NAP1L1: variants seen among roughly 807,000 people sequenced by gnomAD.
NAP1L1 encodes nucleosome assembly protein 1 like 1.
NAP1L1 carries 9 observed loss-of-function variants against 58.9 expected under a neutral mutation model. That is an observed-to-expected ratio of 0.15 (90% CI 0.09 to 0.27). The LOEUF is 0.27. NAP1L1 is among the 10% of genes least tolerant of loss of function. NAP1L1 has a pLI of 1.00. For synonymous variants in NAP1L1, 130 were observed against 138.3 expected (o/e 0.94, Z 0.42); for missense variants, 302 against 458.8 (o/e 0.66, Z 3.12).
chr12:76,060,400 G>A, intron 4 of NAP1L1, 121 bp from the exon 5 acceptor site: 1 of 935,822 alleles, frequency 1.1e-6, no homozygotes, highest in Non-Finnish European at 1.6e-6. Flanking sequence ...GAAGCAAAAG[G>A]TAGATTCAAA....
At chr12:76,083,665 A>T (rs1190072537) in intron 1 of NAP1L1, among the ~76,000 whole-genome samples, 1 of 152,136 alleles carries the variant, frequency 6.6e-6, no homozygotes, top group African/African-American at 2.4e-5. Context: ...TTTTGCTAAT[A>T]ACAGTTAATA....
chr12:76,054,415 G>C (rs1241012188), intron 8 of NAP1L1, among the ~76,000 whole-genome samples: 1 of 152,020 alleles, frequency 6.6e-6, no homozygotes, highest in East Asian at 1.9e-4. Flanking sequence ...TAATAATGAG[G>C]TACAAATTGA....
chr12:76,046,434 A>C lies in NAP1L1; in HGVS notation c.*1995T>G, dbSNP rs1332833106. On this transcript the variant is annotated 3_prime_UTR_variant, in exon 15 of 15. Transcript: ENST00000618691. ...GATTTTGCTACTTCAGTTCATTAAAAATGGGATTCTATCTTTGAAGTTCAG... is the reference window on the plus strand; with the variant it reads ...GATTTTGCTACTTCAGTTCATTAAACATGGGATTCTATCTTTGAAGTTCAG... 2 of 152,450 alleles carry C rather than the reference A, an allele frequency of 1.3e-5. No homozygotes were observed. Among genetic ancestry groups the C allele is most frequent in the African/African-American group, 4.8e-5 (2 of 41,436 alleles). 9.4% of individuals were successfully genotyped at this position (152,450 alleles called of 1,614,324 possible). A position where few individuals can be genotyped will look rare whatever the true frequency, so the allele number is the denominator to read the frequency against.
intron 12 of NAP1L1, 21 bp from the exon 13 acceptor site, chr12:76,049,806 TAA>T: frequency 6.2e-7 from 1 of 1,612,210 alleles, no homozygotes; most frequent in Non-Finnish European, 8.5e-7. Flanking sequence ...AAAACAGCGT[TAA>T]GTGTTGAGTG....
intron 2 of NAP1L1, among the ~76,000 whole-genome samples, chr12:76,071,036 G>C (rs1949930371): frequency 6.6e-6 from 1 of 152,044 alleles, no homozygotes; most frequent in South Asian, 2.1e-4. Context: ...TAGTTGTTAT[G>C]TTCTATTGCT....
chr12:76,049,210 T>C lies in NAP1L1; in HGVS notation c.1130A>G (p.Tyr377Cys), dbSNP rs149910881. The C allele has an allele frequency of 5.3e-5, 85 of 1,613,486 alleles. No homozygotes were observed. Among genetic ancestry groups the C allele is most frequent in the African/African-American group, 2.1e-4 (16 of 74,904 alleles). The change falls in exon 14 of 15, where the codon TAT becomes TGT. Residue 377 changes from tyrosine to cysteine, a missense_variant. Transcript: ENST00000618691. Reference sequence around the variant, plus strand: ...ACTAATTTTGCTCACCTTTGGGTCATAGTCTGGATCATTTTCCTCATCTCC... The same window carrying C: ...ACTAATTTTGCTCACCTTTGGGTCACAGTCTGGATCATTTTCCTCATCTCC... ...EEGDEENDPD[Y>C]DPKKDQNPAE...
At chr12:76,057,680 C>T (rs1248846893) in intron 6 of NAP1L1, 15 of 1,484,092 alleles carry the variant, frequency 1.0e-5, no homozygotes, top group South Asian at 8.4e-5. Context: ...GAATATATGC[C>T]TGATGTTGCT....
At chr12:76,061,117 G>C (rs1315717414) in intron 4 of NAP1L1, 1 of 384,774 alleles carries the variant, frequency 2.6e-6, no homozygotes, top group African/African-American at 2.1e-5. Flanking sequence ...CAGCTTTGAT[G>C]AGATAAAGTT....
chr12:76,059,726 A>T, intron 6 of NAP1L1, 72 bp downstream of exon 6: 1 of 1,085,932 alleles, frequency 9.2e-7, no homozygotes, highest in Non-Finnish European at 1.4e-6. Flanking sequence ...TCCATCATTA[A>T]ATGCTAACAT....
chr12:76,079,659 T>C (rs1392269587), intron 1 of NAP1L1, among the ~76,000 whole-genome samples: 2 of 151,160 alleles, frequency 1.3e-5, no homozygotes, highest in Non-Finnish European at 2.9e-5. Flanking sequence ...AAGACATAAC[T>C]GACCCTAAAA....
intron 1 of NAP1L1, among the ~76,000 whole-genome samples, chr12:76,077,971 AC>A (rs1412008940): frequency 9.5e-6 from 1 of 105,250 alleles, no homozygotes; most frequent in Admixed American, 1.2e-4. Context: ...TAAGAGCAAG[AC>A]CCTGTCTCAA....
Position 76,036,768 on chromosome 12 carries a change from A to C in NAP1L1, c.*11661T>G, listed in dbSNP as rs1871048452. On this transcript the variant is annotated 3_prime_UTR_variant, in exon 15 of 15. Coordinates refer to ENST00000618691, the MANE Select transcript of NAP1L1 (RefSeq NM_004537.7). Reference sequence around the variant, plus strand: ...ATTATGAACATGTCACGTTACCCTCATCAGGGTATAAAAGATAACCAAGGC... The same window carrying C: ...ATTATGAACATGTCACGTTACCCTCCTCAGGGTATAAAAGATAACCAAGGC... 1 of 152,196 alleles carries C rather than the reference A, an allele frequency of 6.6e-6. No homozygotes were observed. Among genetic ancestry groups the C allele is most frequent in the Admixed American group, 6.5e-5 (1 of 15,278 alleles). 9.4% of individuals were successfully genotyped at this position (152,196 alleles called of 1,614,324 possible).
Position 76,039,575 on chromosome 12 carries a change from T to A in NAP1L1, c.*8854A>T, listed in dbSNP as rs1948531306. On this transcript the variant is annotated 3_prime_UTR_variant, in exon 15 of 15. Transcript: ENST00000618691. Reference sequence around the variant, plus strand: ...AATATTGTTTAAAATGAAATCTAGATTAACTCTGGTCTCTAAAATATTTCA... The same window carrying A: ...AATATTGTTTAAAATGAAATCTAGAATAACTCTGGTCTCTAAAATATTTCA... 1 of 152,198 alleles carries A rather than the reference T, an allele frequency of 6.6e-6. No homozygotes were observed. The highest frequency in any genetic ancestry group is 1.5e-5 in the Non-Finnish European group (1 of 68,028). The allele number at this position is 152,198 out of a possible 1,614,324, so 9.4% of individuals were successfully genotyped here. A position where few individuals can be genotyped will look rare whatever the true frequency, so the allele number is the denominator to read the frequency against.
chr12:76,060,221 C>A lies in NAP1L1; in HGVS notation c.265G>T (p.Ala89Ser). The change falls in exon 5 of 15, where the codon GCA (alanine) becomes TCA (serine). Residue 89 changes from alanine (A) to serine (S), a missense_variant. Physicochemically the swap from Ala to Ser is moderately conservative, Grantham distance 99 (BLOSUM62 1). Transcript: ENST00000618691. ...TCATAGAATTTGGCTTCTATCTGTG[C>A]ACATTTAACTTGCAGGTTTTTGAGA... ...NALKNLQVKCAQIEAKFYEEV... is the reference protein window; with the variant it reads ...NALKNLQVKCSQIEAKFYEEV... The A allele has an allele frequency of 3.1e-6, 5 of 1,613,838 alleles. No individual in the cohort carries two copies. The highest frequency in any genetic ancestry group is 4.2e-6 in the Non-Finnish European group (5 of 1,179,822).
chr12:76,081,721 T>C (rs949384544), intron 1 of NAP1L1, among the ~76,000 whole-genome samples: 2 of 152,220 alleles, frequency 1.3e-5, no homozygotes, highest in Non-Finnish European at 2.9e-5. Flanking sequence ...AGCCCACTAA[T>C]GTACTCTAAT....
intron 1 of NAP1L1, among the ~76,000 whole-genome samples, chr12:76,074,631 T>C (rs1314037208): frequency 2.6e-5 from 4 of 152,246 alleles, no homozygotes; most frequent in Non-Finnish European, 5.9e-5. Context: ...CTTAAATTTT[T>C]AGACTACGTA....
In NAP1L1 at chr12:76,040,406, CCT is replaced by C. The variant is rs1948541245; in HGVS notation, c.*8021_*8022del. ...CAGGTTTACTTCTGTCTCTACTACCCCTGTGACAGCAAGACCCCCCTCCTCCT... is the reference window on the plus strand; with the variant it reads ...CAGGTTTACTTCTGTCTCTACTACCCGTGACAGCAAGACCCCCCTCCTCCT... On this transcript the variant is annotated 3_prime_UTR_variant, in exon 15 of 15. Coordinates refer to ENST00000618691, the MANE Select transcript of NAP1L1 (RefSeq NM_004537.7). The C allele has an allele frequency of 6.6e-6, 1 of 152,150 alleles. No homozygotes were observed. 9.4% of individuals were successfully genotyped at this position (152,150 alleles called of 1,614,324 possible). A position where few individuals can be genotyped will look rare whatever the true frequency, so the allele number is the denominator to read the frequency against.
intron 3 of NAP1L1, among the ~76,000 whole-genome samples, chr12:76,067,914 T>C (rs1949755730): frequency 6.6e-6 from 1 of 152,208 alleles, no homozygotes; most frequent in Admixed American, 6.5e-5. Flanking sequence ...TGAATGTTTA[T>C]GTTTGATGCT....
chr12:76,081,601 ATAAAAAT>A lies in NAP1L1; in HGVS notation c.-21+2959_-21+2965del, dbSNP rs1176121882. Among the ~76,000 whole-genome samples the A allele has an allele frequency of 5.3e-5, 8 of 152,198 alleles. No individual in the cohort carries two copies. The East Asian group carries it at 1.5e-3, about 29-fold the overall frequency. ...AAAATATATATAACCCTGTTTCCCA[ATAAAAAT>A]TAAAATGTACAAAACTTCTGAATAA... is the stretch of plus-strand genomic sequence containing the variant. On this transcript the variant is annotated intron_variant, in intron 1 of 14. Coordinates refer to ENST00000618691, the MANE Select transcript of NAP1L1 (RefSeq NM_004537.7).
Sources: allele counts gnomAD v4.1 joint callset (sites outside exome capture counted in the v4.1 genomes callset), GRCh38; gene constraint gnomAD v4.1.1; transcripts MANE v1.5; gene names NCBI Gene and HGNC (gene_info 2026-07-23, HGNC 2026-07-21).